NRG3: variants seen among roughly 807,000 people sequenced by gnomAD.
NRG3 encodes pro-neuregulin-3, membrane-bound isoform.
In NRG3, 31 loss-of-function variants were observed where a neutral mutation model predicts 66.9. The observed-to-expected ratio is 0.46, with a 90% CI of 0.35 to 0.63. The LOEUF is 0.63. NRG3 is among the 20% of genes least tolerant of loss of function. NRG3 has a pLI of 0.00. For missense variants in NRG3, 910 were observed against 878.9 expected, an observed-to-expected ratio of 1.04 and a Z score of -0.45; for synonymous variants, 393 against 359.4, an observed-to-expected ratio of 1.09 and a Z score of -1.06.
intron 8 of NRG3, 153 bp from the exon 9 acceptor site, chr10:82,984,945 T>A (rs1853304831): frequency 8.0e-7 from 1 of 1,253,104 alleles, no homozygotes; most frequent in Non-Finnish European, 1.2e-6. Context: ...TTCAGTTTAC[T>A]TCTCTGTTTA....
intron 2 of NRG3, among the ~76,000 whole-genome samples, chr10:82,718,105 C>T (rs376076533): frequency 3.9e-5 from 6 of 152,222 alleles, no homozygotes; most frequent in East Asian, 1.9e-4. Context: ...ATAAAGAGGA[C>T]GAGATCCACA....
chr10:82,274,185 T>A (rs1160848759), intron 1 of NRG3, among the ~76,000 whole-genome samples: 1 of 152,020 alleles, frequency 6.6e-6, no homozygotes, highest in East Asian at 1.9e-4. Context: ...AAAATAACCC[T>A]TCAAGAATCA....
chr10:82,967,572 C>T, intron 6 of NRG3, among the ~76,000 whole-genome samples: 1 of 152,142 alleles, frequency 6.6e-6, no homozygotes, highest in East Asian at 1.9e-4. Context: ...GTCTGCTGAA[C>T]ACTTGTGACC....
At position 82,226,822 on chromosome 10, in the gene NRG3, A is replaced by G. The variant is rs144261741; in HGVS notation, c.824-131917A>G. Among the ~76,000 whole-genome samples the G allele has an allele frequency of 4.9e-4, 75 of 152,324 alleles. 3 individuals are homozygous for G. In the East Asian group the frequency reaches 9.9e-3, roughly 20 times the overall value. On this transcript the variant is annotated intron_variant, in intron 1 of 8. Coordinates refer to ENST00000372141, the MANE Select transcript of NRG3 (RefSeq NM_001010848.4). ...CAAATTCCCCATCTATTGGACTCAT[A>G]GTCTCTATACTTCCAGGATGGTTTT...
chr10:82,150,950 A>G (rs1461077644), intron 1 of NRG3, among the ~76,000 whole-genome samples: 1 of 152,252 alleles, frequency 6.6e-6, no homozygotes, highest in East Asian at 1.9e-4. Context: ...GGAAATCTTG[A>G]CAAAACTTGA....
rs1295544301 is a variant in NRG3 at position 81,875,815 on chromosome 10, A to G, written c.475A>G (p.Thr159Ala). 1 of 1,609,232 alleles carries G rather than the reference A, an allele frequency of 6.2e-7. No individual in the cohort carries two copies. Among genetic ancestry groups the G allele is most frequent in the South Asian group, 1.1e-5 (1 of 91,052 alleles). ...RTPNRISTRLTTITRAPTRFP... is the reference protein window; with the variant it reads ...RTPNRISTRLATITRAPTRFP... ...GCCCAACCGGATTAGCACTCGCCTGACCACCATCACGCGGGCGCCCACTCG... is the reference window on the plus strand; with the variant it reads ...GCCCAACCGGATTAGCACTCGCCTGGCCACCATCACGCGGGCGCCCACTCG... The change falls in exon 1 of 9, where the codon ACC becomes GCC. Residue 159 changes from threonine to alanine, a missense_variant. Transcript: ENST00000372141. The surrounding 1 kb of genome is among the most constrained non-coding windows in gnomAD (Gnocchi z 5.3).
At chr10:82,927,423 A>G (rs899579992) in intron 4 of NRG3, among the ~76,000 whole-genome samples, 1 of 152,182 alleles carries the variant, frequency 6.6e-6, no homozygotes, top group African/African-American at 2.4e-5. Context: ...ACATAGGTAT[A>G]CACGGGCTAT....
intron 1 of NRG3, among the ~76,000 whole-genome samples, chr10:81,986,185 A>AT (rs2060512155): frequency 6.6e-6 from 1 of 152,140 alleles, no homozygotes; most frequent in African/African-American, 2.4e-5. Flanking sequence ...AAGTATTGAG[A>AT]TTTTCAGTCA....
chr10:82,577,111 T>C (rs1426066521), intron 2 of NRG3, among the ~76,000 whole-genome samples: 1 of 151,888 alleles, frequency 6.6e-6, no homozygotes, highest in Admixed American at 6.6e-5. Flanking sequence ...TAGAAATTTC[T>C]TCTCTGAATC....
chr10:82,287,452 C>T (rs1279537423), intron 1 of NRG3, among the ~76,000 whole-genome samples: 2 of 151,066 alleles, frequency 1.3e-5, no homozygotes, highest in African/African-American at 4.9e-5. Context: ...ATTACCCAGT[C>T]TCAGATATTT....
At chr10:82,442,124 A>G (rs1161794157) in intron 2 of NRG3, among the ~76,000 whole-genome samples, 3 of 152,196 alleles carry the variant, frequency 2.0e-5, no homozygotes, top group Admixed American at 1.3e-4. Context: ...CTTGCCTAGC[A>G]TTAATTAATG....
Position 82,301,686 on chromosome 10 carries a change from C to CTATATATATATATATATATATATA in NRG3, c.824-57032_824-57031insATATATATATATATATATATATAT, listed in dbSNP as rs60882154. On this transcript the variant is annotated intron_variant, in intron 1 of 8. Coordinates refer to ENST00000372141, the MANE Select transcript of NRG3 (RefSeq NM_001010848.4). ...TATGTATATGTATACACATATATTC[C>CTATATATATATATATATATATATA]TATATATATATATATATATATGTAA... 3.0e-3 allele frequency among the ~76,000 whole-genome samples: 418 copies of CTATATATATATATATATATATATA among 137,420 alleles called. 1 individual carries two copies. The highest frequency in any genetic ancestry group is 7.7e-3 in the Middle Eastern group (2 of 260). The allele number at this position is 137,420 out of a possible 152,430, so 90.2% of individuals were successfully genotyped here. A position where few individuals can be genotyped will look rare whatever the true frequency, so the allele number is the denominator to read the frequency against.
At chr10:82,799,430 G>C (rs796782499) in intron 3 of NRG3, among the ~76,000 whole-genome samples, 1 of 151,416 alleles carries the variant, frequency 6.6e-6, no homozygotes, top group Admixed American at 6.6e-5. Context: ...GGAGGCTGAG[G>C]CAGGAGAGTC....
At chr10:81,899,388 T>C (rs1309866362) in intron 1 of NRG3, among the ~76,000 whole-genome samples, 1 of 152,226 alleles carries the variant, frequency 6.6e-6, no homozygotes, top group Non-Finnish European at 1.5e-5. Context: ...GTTTCATTAT[T>C]TATGCTGATT....
At chr10:82,723,392 G>A (rs775238980) in intron 2 of NRG3, among the ~76,000 whole-genome samples, 4 of 152,082 alleles carry the variant, frequency 2.6e-5, no homozygotes, top group Non-Finnish European at 4.4e-5. Context: ...TAATGGGGTC[G>A]ATTGAACCCC....
chr10:81,956,160 T>C (rs1013255126), intron 1 of NRG3, among the ~76,000 whole-genome samples: 1 of 152,182 alleles, frequency 6.6e-6, no homozygotes, highest in African/African-American at 2.4e-5. Flanking sequence ...TCCCCACCAA[T>C]AGAATACAGT....
intron 1 of NRG3, among the ~76,000 whole-genome samples, chr10:82,273,770 A>C (rs1477305935): frequency 1.3e-5 from 2 of 152,066 alleles, no homozygotes; most frequent in Non-Finnish European, 2.9e-5. Context: ...AGTAGAAGAA[A>C]ATCAGTTAAT....
intron 2 of NRG3, among the ~76,000 whole-genome samples, chr10:82,488,241 G>A (rs1406862279): frequency 2.6e-5 from 4 of 152,106 alleles, no homozygotes; most frequent in Non-Finnish European, 5.9e-5. Context: ...ATACCTGCCT[G>A]GTATGCTAAA....
intron 2 of NRG3, among the ~76,000 whole-genome samples, chr10:82,595,231 G>C (rs965345289): frequency 2.6e-5 from 4 of 152,130 alleles, no homozygotes; most frequent in Admixed American, 2.6e-4. Flanking sequence ...ACAGTCTCCT[G>C]CATGTAGTGA....
Sources: gnomAD v4.1 joint callset for allele counts (sites outside exome capture counted in the v4.1 genomes callset) on GRCh38, gnomAD v4.1.1 for gene constraint, Gnocchi (gnomAD v3.1) non-coding constraint, MANE v1.5 for transcripts, NCBI Gene and HGNC (gene_info 2026-07-23, HGNC 2026-07-21) for gene names.